Variants in AFF2 observed in about 807,000 individuals in gnomAD.
The protein encoded by AFF2 is ALF transcription elongation factor 2.
AFF2 carries 14 observed loss-of-function variants against 76.9 expected under a neutral mutation model. The ratio of observed to expected loss-of-function variants is 0.18; its 90% CI spans 0.12 to 0.28. The LOEUF (loss-of-function observed/expected upper bound fraction) is 0.28. Among genes scored for constraint, AFF2 ranks in the 10% least tolerant of loss-of-function variants. AFF2 has a pLI of 1.00. For synonymous variants in AFF2, 398 were observed against 366.7 expected (o/e 1.09, Z -0.98); for missense variants, 868 against 1,001.1 (o/e 0.87, Z 1.79).
intron 16 of AFF2, among the ~76,000 whole-genome samples, chrX:148,977,023 C>T (rs1004785374): frequency 1.8e-5 from 2 of 111,940 alleles, no homozygotes; most frequent in Non-Finnish European, 3.8e-5. Flanking sequence ...TTGCTGAAAG[C>T]GAGGAGTCAG....
intron 7 of AFF2, among the ~76,000 whole-genome samples, chrX:148,879,082 T>C (rs782036105): frequency 9.0e-4 from 101 of 112,031 alleles, no homozygotes; most frequent in African/African-American, 3.0e-3. Flanking sequence ...GTTCATACTA[T>C]TAGATTTGGC....
chrX:148,597,077 A>G (rs892208775), intron 1 of AFF2, among the ~76,000 whole-genome samples: 2 of 112,112 alleles, frequency 1.8e-5, no homozygotes, highest in Non-Finnish European at 3.8e-5. Context: ...CCTATTTTCT[A>G]TGGTGAAGCT....
At chrX:148,847,275 G>A (rs893081447) in intron 7 of AFF2, among the ~76,000 whole-genome samples, 8 of 111,975 alleles carry the variant, frequency 7.1e-5, no homozygotes, top group African/African-American at 1.3e-4. Context: ...AAGTTGCCCC[G>A]AAAAGGACTT....
intron 8 of AFF2, among the ~76,000 whole-genome samples, chrX:148,895,346 A>G (rs782771741): frequency 8.9e-6 from 1 of 111,827 alleles, no homozygotes; most frequent in Non-Finnish European, 1.9e-5. Flanking sequence ...CACACAGACA[A>G]TGAGGGAAAG....
intron 7 of AFF2, among the ~76,000 whole-genome samples, chrX:148,874,355 G>A (rs1423005666): frequency 8.1e-5 from 9 of 110,931 alleles, no homozygotes; most frequent in African/African-American, 3.0e-4. Flanking sequence ...TGCTCACGAC[G>A]AACTCTTTTC....
At chrX:148,905,210 A>C (rs572148969) in intron 9 of AFF2, among the ~76,000 whole-genome samples, 24 of 112,455 alleles carry the variant, frequency 2.1e-4, no homozygotes, top group African/African-American at 7.1e-4. Flanking sequence ...AGCATTTAGC[A>C]TACCATTAAA....
intron 4 of AFF2, among the ~76,000 whole-genome samples, chrX:148,818,115 T>C (rs891671293): frequency 9.0e-6 from 1 of 111,503 alleles, no homozygotes; most frequent in African/African-American, 3.3e-5. Context: ...GACAATTAAA[T>C]ATGTAAAGAA....
intron 1 of AFF2, among the ~76,000 whole-genome samples, chrX:148,648,079 G>A (rs932822921): frequency 1.8e-5 from 2 of 112,213 alleles, no homozygotes; most frequent in African/African-American, 3.2e-5. Flanking sequence ...GCTAGGAGAA[G>A]ATACTACATG....
chrX:148,685,950 G>GAC (rs782681315), intron 3 of AFF2, among the ~76,000 whole-genome samples: 9 of 106,239 alleles, frequency 8.5e-5, no homozygotes, highest in African/African-American at 2.4e-4. Flanking sequence ...CACACACACA[G>GAC]ACACACACAC....
chrX:148,901,576 G>A (rs937472947), intron 8 of AFF2, among the ~76,000 whole-genome samples: 2 of 112,020 alleles, frequency 1.8e-5, no homozygotes, highest in Middle Eastern at 4.2e-3. Flanking sequence ...CTTTTGCAGT[G>A]TGTCTCACAT....
At chrX:148,695,158 A>G (rs2054704240) in intron 3 of AFF2, among the ~76,000 whole-genome samples, 1 of 111,318 alleles carries the variant, frequency 9.0e-6, no homozygotes, top group African/African-American at 3.3e-5. Flanking sequence ...CATTCCAGTT[A>G]CCATTTGTGT....
chrX:148,931,013 G>A (rs2071705271), intron 9 of AFF2, among the ~76,000 whole-genome samples: 1 of 111,455 alleles, frequency 9.0e-6, no homozygotes, highest in Non-Finnish European at 1.9e-5. Context: ...AACAGTTTGG[G>A]AGGCCGAGGT....
rs1193506070 is a variant in AFF2, at chrX:148,810,706, T to G, written c.1086+786T>G. On this transcript the variant is annotated intron_variant, in intron 4 of 20. Coordinates refer to ENST00000370460, the MANE Select transcript of AFF2 (RefSeq NM_002025.4). ...GTCTGTAAAAGAGGACAATAATACC[T>G]GCCCTAACTCCCTTATAGGCTACCA... Among the ~76,000 whole-genome samples the G allele has an allele frequency of 7.1e-5, 8 of 112,057 alleles. No individual in the cohort carries two copies. In the Admixed American group the frequency reaches 7.5e-4, roughly 11 times the overall value.
intron 9 of AFF2, among the ~76,000 whole-genome samples, chrX:148,914,698 T>C (rs1341031252): frequency 8.9e-6 from 1 of 112,213 alleles, no homozygotes; most frequent in Non-Finnish European, 1.9e-5. Flanking sequence ...GATTATTTCT[T>C]GCATTTTTCA....
At chrX:148,748,291 AGT>A (rs2055450164) in intron 3 of AFF2, among the ~76,000 whole-genome samples, 1 of 112,035 alleles carries the variant, frequency 8.9e-6, no homozygotes, top group Non-Finnish European at 1.9e-5. Context: ...TTAATGCTTA[AGT>A]GTATGAATAT....
intron 19 of AFF2, among the ~76,000 whole-genome samples, chrX:148,985,698 C>T (rs1048944331): frequency 2.7e-5 from 3 of 110,547 alleles, no homozygotes; most frequent in African/African-American, 9.9e-5. Context: ...TTGGACATCT[C>T]CTCATCCCAC....
intron 3 of AFF2, among the ~76,000 whole-genome samples, chrX:148,740,212 A>G (rs111277162): frequency 0.018 from 2,004 of 111,888 alleles, 46 homozygotes; most frequent in African/African-American, 0.062. Flanking sequence ...AAGGCCAGGG[A>G]AGTTTTCCTC....
chrX:148,743,689 A>G (rs782590526), intron 3 of AFF2, among the ~76,000 whole-genome samples: 1 of 111,240 alleles, frequency 9.0e-6, no homozygotes, highest in South Asian at 3.8e-4. Flanking sequence ...CCCCAGTGAC[A>G]AAGAACATTG....
At chrX:148,510,157 G>A (rs1205741657) in intron 1 of AFF2, among the ~76,000 whole-genome samples, 3 of 112,001 alleles carry the variant, frequency 2.7e-5, no homozygotes, top group Non-Finnish European at 5.6e-5. Context: ...AATGCTGCCA[G>A]TTCAGAGTGC....
Sources: gnomAD v4.1 joint callset for allele counts (sites outside exome capture counted in the v4.1 genomes callset) on GRCh38, gnomAD v4.1.1 for gene constraint, MANE v1.5 for transcripts, NCBI Gene and HGNC (gene_info 2026-07-23, HGNC 2026-07-21) for gene names.